Variants in ACOT8 observed in about 807,000 individuals in gnomAD.
The protein encoded by ACOT8 is acyl-coenzyme A thioesterase 8.
ACOT8 carries 31 observed loss-of-function variants against 38.4 expected under a neutral mutation model. The observed-to-expected ratio is 0.81, with a 90% confidence interval of 0.61 to 1.09. ACOT8 has a LOEUF of 1.09. Among genes scored for constraint, ACOT8 ranks in the 50% least tolerant of loss-of-function variants. The pLI is 0.00. For synonymous variants in ACOT8, 158 were observed against 170.3 expected, an observed-to-expected ratio of 0.93 and a Z score of 0.56; for missense variants, 373 against 421.8, an observed-to-expected ratio of 0.88 and a Z score of 1.01.
chr20:45,848,251 C>T (rs1202679830), intron 3 of ACOT8, among the ~76,000 whole-genome samples, 199 bp downstream of exon 3: 3 of 152,124 alleles, frequency 2.0e-5, no homozygotes, highest in Non-Finnish European at 4.4e-5. Context: ...AGACACACAC[C>T]AGAAACACAC....
chr20:45,853,738 GTATT>G (rs1985206300), intron 2 of ACOT8: 6 of 309,062 alleles, frequency 1.9e-5, no homozygotes, highest in Non-Finnish European at 3.7e-5. Context: ...CCCAAGGTAA[GTATT>G]CAAATACTTT....
At position 45,856,072 on chromosome 20, in the gene ACOT8, T is replaced by A. The variant is rs1024218450; in HGVS notation, c.129-780A>T. ...TGAGCCCATGAGTTCAAAACCAGCC[T>A]GGGCTCCAAAGTGGGGCCTCATGTC... On this transcript the variant is annotated intron_variant, in intron 1 of 5. Coordinates refer to ENST00000217455, the MANE Select transcript of ACOT8 (RefSeq NM_005469.4). Among the ~76,000 whole-genome samples the A allele has an allele frequency of 3.3e-5, 5 of 152,268 alleles. No homozygotes were observed. In the East Asian group the frequency reaches 9.7e-4, roughly 29 times the overall value.
chr20:45,850,126 C>G (rs1984967598), intron 2 of ACOT8, among the ~76,000 whole-genome samples: 1 of 152,096 alleles, frequency 6.6e-6, no homozygotes, highest in South Asian at 2.1e-4. Context: ...AGGAGAATTG[C>G]TTGAAGCTGG....
At chr20:45,842,241 T>G in intron 5 of ACOT8, 1 of 1,440,106 alleles carries the variant, frequency 6.9e-7, no homozygotes, top group Non-Finnish European at 9.1e-7. Context: ...TTCATGAGCT[T>G]ATTATGGACC....
At chr20:45,852,404 C>A (rs1985125795) in intron 2 of ACOT8, among the ~76,000 whole-genome samples, 1 of 151,858 alleles carries the variant, frequency 6.6e-6, no homozygotes, top group Admixed American at 6.6e-5. Context: ...GTCTCGAACT[C>A]TTGACCTCAG....
intron 4 of ACOT8, 183 bp from the exon 5 acceptor site, chr20:45,843,904 G>A: frequency 8.0e-7 from 1 of 1,252,178 alleles, no homozygotes; most frequent in Non-Finnish European, 1.1e-6. Context: ...GAGGGCAGGG[G>A]TGAGCAGGGA....
intron 1 of ACOT8, among the ~76,000 whole-genome samples, chr20:45,855,835 TGAGAA>T (rs1394297521): frequency 6.6e-6 from 1 of 152,202 alleles, no homozygotes; most frequent in South Asian, 2.1e-4. Flanking sequence ...AGTGTACAGA[TGAGAA>T]AACTGCAGCT....
At chr20:45,844,187 G>T in intron 4 of ACOT8, 76 bp downstream of exon 4, 1 of 1,593,770 alleles carries the variant, frequency 6.3e-7, no homozygotes, top group Non-Finnish European at 8.6e-7. Flanking sequence ...GGGAACTCAT[G>T]TGCCCAAGGC....
intron 2 of ACOT8, chr20:45,853,997 G>A (rs772173364): frequency 7.7e-7 from 1 of 1,298,456 alleles, no homozygotes; most frequent in Admixed American, 2.3e-5. Context: ...GGGGGTAACA[G>A]GGAAGGAAAG....
At chr20:45,856,055 T>G (rs896224907) in intron 1 of ACOT8, among the ~76,000 whole-genome samples, 5 of 151,944 alleles carry the variant, frequency 3.3e-5, no homozygotes, top group East Asian at 3.9e-4. Flanking sequence ...CCTGAGCCCA[T>G]GAGTTCAAAA....
intron 1 of ACOT8, among the ~76,000 whole-genome samples, 182 bp from the exon 2 acceptor site, chr20:45,855,474 C>T (rs1410024789): frequency 1.3e-5 from 2 of 152,182 alleles, no homozygotes; most frequent in Non-Finnish European, 2.9e-5. Context: ...TCCTCTGGGC[C>T]GGGCGCAGTG....
intron 2 of ACOT8, chr20:45,853,343 AG>A (rs1985184577): frequency 6.6e-6 from 1 of 152,306 alleles, no homozygotes; most frequent in Admixed American, 6.5e-5. Flanking sequence ...CAGTTTCCTT[AG>A]GTAAGAATGA....
rs201829620 is a variant in ACOT8 at position 45,848,596 on chromosome 20, G to A, written c.342C>T (p.Ala114=). 9.3e-6 allele frequency: 15 copies of A among 1,613,782 alleles called. No individual in the cohort carries two copies. Among genetic ancestry groups the A allele is most frequent in the African/African-American group, 1.3e-5 (1 of 74,862 alleles). The change falls in exon 3 of 6, where the codon GCC becomes GCT. Residue 114 remains alanine, a synonymous_variant. Coordinates refer to ENST00000217455, the MANE Select transcript of ACOT8 (RefSeq NM_005469.4). Reference sequence around the variant, plus strand: ...TGAAGATGGGCTTCCCATGTTGCACGGCCTTCACAGAGCGCACCGAGAAGC... The same window carrying A: ...TGAAGATGGGCTTCCCATGTTGCACAGCCTTCACAGAGCGCACCGAGAAGC... ...GSSFSVRSVK[A]VQHGKPIFIC...
intron 2 of ACOT8, among the ~76,000 whole-genome samples, chr20:45,850,722 C>T (rs916440516): frequency 6.6e-6 from 1 of 152,142 alleles, no homozygotes; most frequent in African/African-American, 2.4e-5. Flanking sequence ...ATTAGCTGGA[C>T]ATGGTGGCAT....
intron 5 of ACOT8, 158 bp from the exon 6 acceptor site, chr20:45,842,114 T>C: frequency 6.5e-7 from 1 of 1,534,530 alleles, no homozygotes; most frequent in Non-Finnish European, 8.7e-7. Context: ...CAGCTGGGAT[T>C]ACAGGCGCAC....
chr20:45,843,264 A>C lies in ACOT8; in HGVS notation c.841+263T>G, dbSNP rs1248351540. 14 of 642,914 alleles carry C rather than the reference A, an allele frequency of 2.2e-5. No individual in the cohort carries two copies. The East Asian group carries it at 3.1e-4, about 14-fold the overall frequency. 39.8% of individuals were successfully genotyped at this position (642,914 alleles called of 1,614,324 possible). On this transcript the variant is annotated intron_variant, in intron 5 of 5. Coordinates refer to ENST00000217455, the MANE Select transcript of ACOT8 (RefSeq NM_005469.4). ...ATGATTTGCCTATTGTAATACAAAG[A>C]ATCTGAACTGGTTTTGGGACTAGAA...
At chr20:45,842,499 C>T in intron 5 of ACOT8, 1 of 1,020,392 alleles carries the variant, frequency 9.8e-7, no homozygotes, top group Non-Finnish European at 1.2e-6. Context: ...CCACTACCAC[C>T]ACCAAGGGGA....
chr20:45,842,833 C>A (rs912759040), intron 5 of ACOT8: 37 of 993,998 alleles, frequency 3.7e-5, no homozygotes, highest in Non-Finnish European at 4.3e-5. Flanking sequence ...TTGAGAATAC[C>A]CCTTATCTGA....
At chr20:45,849,278 C>A (rs376317674) in intron 2 of ACOT8, among the ~76,000 whole-genome samples, 1 of 152,062 alleles carries the variant, frequency 6.6e-6, no homozygotes, top group African/African-American at 2.4e-5. Context: ...ATTTATTCAG[C>A]GCTTGTTCTT....
Sources: gnomAD v4.1 joint callset for allele counts (sites outside exome capture counted in the v4.1 genomes callset) on GRCh38, gnomAD v4.1.1 for gene constraint, MANE v1.5 for transcripts, NCBI Gene and HGNC (gene_info 2026-07-23, HGNC 2026-07-21) for gene names.